The following TADA2A variants were observed in gnomAD, a reference collection of about 807,000 sequenced individuals.
TADA2A encodes the protein transcriptional adapter 2-alpha.
TADA2A carries 38 observed loss-of-function variants against 67.4 expected under a neutral mutation model. That is an observed-to-expected ratio of 0.56 (90% CI 0.44 to 0.74). TADA2A has a LOEUF of 0.74. TADA2A is among the 30% of genes least tolerant of loss of function. TADA2A has a pLI of 0.00. For synonymous variants in TADA2A, 192 were observed against 181.6 expected, an observed-to-expected ratio of 1.06 and a Z score of -0.46; for missense variants, 454 against 547.0, an observed-to-expected ratio of 0.83 and a Z score of 1.70.
intron 2 of TADA2A, among the ~76,000 whole-genome samples, chr17:37,419,471 G>T (rs1328824175): frequency 1.4e-5 from 2 of 146,254 alleles, no homozygotes; most frequent in South Asian, 4.5e-4. Flanking sequence ...ACCGTGGCCC[G>T]TGCAGTAATT....
At chr17:37,431,965 CTT>C (rs976545953) in intron 4 of TADA2A, among the ~76,000 whole-genome samples, 3 of 152,140 alleles carry the variant, frequency 2.0e-5, no homozygotes, top group African/African-American at 7.2e-5. Flanking sequence ...ATTCTAGTCA[CTT>C]TTCACATTCC....
At chr17:37,419,318 A>G (rs1249820127) in intron 2 of TADA2A, among the ~76,000 whole-genome samples, 1 of 144,632 alleles carries the variant, frequency 6.9e-6, no homozygotes, top group African/African-American at 2.5e-5. Flanking sequence ...CCAAGCATGC[A>G]CCACTGCACC....
chr17:37,422,484 T>TGATGATG (rs2052270998), intron 2 of TADA2A, among the ~76,000 whole-genome samples: 19 of 85,646 alleles, frequency 2.2e-4, no homozygotes, highest in Admixed American at 7.5e-4. Flanking sequence ...CCCAGCTGAT[T>TGATGATG]ATTATTATTA....
intron 4 of TADA2A, among the ~76,000 whole-genome samples, chr17:37,429,095 G>T (rs926583226): frequency 2.0e-5 from 3 of 151,700 alleles, no homozygotes; most frequent in Admixed American, 6.6e-5. Context: ...GGGGTCTAGG[G>T]GCCTTTCTAT....
chr17:37,409,230 C>T (rs1248364515), intron 1 of TADA2A, among the ~76,000 whole-genome samples: 6 of 152,070 alleles, frequency 3.9e-5, no homozygotes, highest in South Asian at 2.1e-4. Context: ...GGATTATAGG[C>T]GCCCGCCACC....
chr17:37,470,593 T>C, intron 13 of TADA2A, 61 bp downstream of exon 13: 2 of 1,463,884 alleles, frequency 1.4e-6, no homozygotes, highest in Non-Finnish European at 1.8e-6. Context: ...CCTTCACATA[T>C]ATTTTTGGGC....
At position 37,447,429 on chromosome 17, in the gene TADA2A, ACAGGGGTTAGCCACCG is replaced by A. The variant is rs1446044177; in HGVS notation, c.604+2663_604+2678del. 3.3e-5 allele frequency among the ~76,000 whole-genome samples: 5 copies of A among 152,174 alleles called. 1 individual carries two copies. The highest frequency in any genetic ancestry group is 1.2e-4 in the African/African-American group (5 of 41,454). On this transcript the variant is annotated intron_variant, in intron 8 of 15. Coordinates refer to ENST00000615182, the MANE Select transcript of TADA2A (RefSeq NM_001166105.3). The stretch of plus-strand genomic sequence containing the variant: ...CTCTGCCTCCCAAAGTGCTGGGATT[ACAGGGGTTAGCCACCG>A]CGTCCGGCCCTAAATGAATGCTTTT...
rs544780581 is a variant in TADA2A, at chr17:37,458,637, T to G, written c.668+50T>G. The G allele has an allele frequency of 7.4e-5, 73 of 981,466 alleles. No individual in the cohort carries two copies. In the South Asian group the frequency reaches 9.5e-4, roughly 13 times the overall value. The allele number at this position is 981,466 out of a possible 1,614,324, so 60.8% of individuals were successfully genotyped here. A position where few individuals can be genotyped will look rare whatever the true frequency, so the allele number is the denominator to read the frequency against. ...CTCCTTTCAGCTTTGGATTATTGTT[T>G]TGTGTGTGTGTGTGTGTGTGTGTGT... On this transcript the variant is annotated intron_variant, in intron 9 of 15. Coordinates refer to ENST00000615182, the MANE Select transcript of TADA2A (RefSeq NM_001166105.3).
intron 8 of TADA2A, chr17:37,454,573 G>A (rs2053332299): frequency 6.0e-6 from 1 of 166,548 alleles, no homozygotes; most frequent in South Asian, 1.6e-4. Context: ...GATTATAGGC[G>A]TGAGCCACTG....
chr17:37,475,286 C>G (rs370451495), intron 15 of TADA2A, among the ~76,000 whole-genome samples: 1 of 151,792 alleles, frequency 6.6e-6, no homozygotes, highest in African/African-American at 2.4e-5. Context: ...ATTCTTCTGC[C>G]TCAGCTCCCC....
At chr17:37,444,607 T>C (rs2053020520) in intron 7 of TADA2A, 89 bp from the exon 8 acceptor site, 4 of 1,098,940 alleles carry the variant, frequency 3.6e-6, no homozygotes, top group Non-Finnish European at 5.4e-6. Context: ...CTTGTGTTTT[T>C]TCTGTTTACT....
At position 37,452,402 on chromosome 17, in the gene TADA2A, C is replaced by CA. The variant is rs1185892368; in HGVS notation, c.605-6113dup. 9.9e-5 allele frequency among the ~76,000 whole-genome samples: 15 copies of CA among 150,782 alleles called. No individual in the cohort carries two copies. In the East Asian group the frequency reaches 2.9e-3, roughly 29 times the overall value. On this transcript the variant is annotated intron_variant, in intron 8 of 15. Transcript: ENST00000615182. ...TGGGAGACAGAGCGAGACTCCATCTCAAAAAAAAAGATCCTGAAATATGGT... is the reference window on the plus strand; with the variant it reads ...TGGGAGACAGAGCGAGACTCCATCTCAAAAAAAAAAGATCCTGAAATATGGT...
intron 4 of TADA2A, among the ~76,000 whole-genome samples, chr17:37,434,618 C>T (rs184878156): frequency 9.7e-4 from 148 of 152,282 alleles, no homozygotes; most frequent in Non-Finnish European, 1.8e-3. Context: ...GGACCATTGT[C>T]TGGATCTGCT....
chr17:37,439,904 A>ATATT (rs2052846245), intron 5 of TADA2A, among the ~76,000 whole-genome samples: 1 of 129,928 alleles, frequency 7.7e-6, no homozygotes, highest in Non-Finnish European at 1.6e-5. Context: ...TTTTCCAGTC[A>ATATT]TCTTTATTTA....
At chr17:37,474,448 A>G in intron 14 of TADA2A, 108 bp from the exon 15 acceptor site, 2 of 989,808 alleles carry the variant, frequency 2.0e-6, no homozygotes, top group Admixed American at 2.3e-5. Context: ...AGCTGGATAT[A>G]GTGATCCTAT....
rs117738376 is a variant in TADA2A, at chr17:37,428,517, G to A, written c.192+1508G>A. Among the ~76,000 whole-genome samples, 724 of 152,292 alleles carry A rather than the reference G, an allele frequency of 4.8e-3. 2 individuals are homozygous for A. The highest frequency in any genetic ancestry group is 6.9e-3 in the Non-Finnish European group (467 of 68,016). On this transcript the variant is annotated intron_variant, in intron 4 of 15. Coordinates refer to ENST00000615182, the MANE Select transcript of TADA2A (RefSeq NM_001166105.3). ...CTTGAGGTTGTTGATGAAATCCAGG[G>A]AATCTCTATGACCTCTCCTATTGCC...
At chr17:37,465,657 T>C (rs2053649825) in intron 11 of TADA2A, 116 bp downstream of exon 11, 1 of 1,522,434 alleles carries the variant, frequency 6.6e-7, no homozygotes, top group Non-Finnish European at 8.9e-7. Context: ...ATTTCTCTCT[T>C]TGTTCCCCTT....
At chr17:37,409,234 C>T (rs1222399500) in intron 1 of TADA2A, among the ~76,000 whole-genome samples, 3 of 151,890 alleles carry the variant, frequency 2.0e-5, no homozygotes, top group South Asian at 4.2e-4. Context: ...TATAGGCGCC[C>T]GCCACCACGC....
In TADA2A at chr17:37,458,667, G is replaced by C. The variant is rs865907888; in HGVS notation, c.668+80G>C. On this transcript the variant is annotated intron_variant, in intron 9 of 15. Coordinates refer to ENST00000615182, the MANE Select transcript of TADA2A (RefSeq NM_001166105.3). ...TGTGTGTGTGTGTGTGTGTGTGTGT[G>C]TGTGTGTCTGTGTCTGTGTCTGTGA... 3.9e-5 allele frequency: 45 copies of C among 1,158,306 alleles called. No individual in the cohort carries two copies. The African/African-American group carries it at 4.3e-4, about 11-fold the overall frequency. The allele number at this position is 1,158,306 out of a possible 1,614,324, so 71.8% of individuals were successfully genotyped here.
Sources: gnomAD v4.1 joint callset for allele counts (sites outside exome capture counted in the v4.1 genomes callset) on GRCh38, gnomAD v4.1.1 for gene constraint, MANE v1.5 for transcripts, NCBI Gene and HGNC (gene_info 2026-07-23, HGNC 2026-07-21) for gene names.